BTBD9: variants seen among roughly 807,000 people sequenced by gnomAD.
BTBD9 encodes BTB/POZ domain-containing protein 9.
Under a neutral mutation model 64.3 loss-of-function variants are expected in BTBD9, and 49 were observed. The observed-to-expected ratio is 0.76, with a 90% confidence interval of 0.61 to 0.97. The LOEUF is 0.97. Ranked by LOEUF, BTBD9 falls within the 50% of genes least tolerant of loss-of-function variation. BTBD9 has a pLI of 0.00. For missense variants in BTBD9, 598 were observed against 762.1 expected, an observed-to-expected ratio of 0.78 and a Z score of 2.53; for synonymous variants, 260 against 274.7, an observed-to-expected ratio of 0.95 and a Z score of 0.53.
intron 6 of BTBD9, among the ~76,000 whole-genome samples, chr6:38,389,143 A>C (rs1454119317): frequency 6.6e-6 from 1 of 152,198 alleles, no homozygotes; most frequent in African/African-American, 2.4e-5. Context: ...TTTTAAACTT[A>C]TTTTCACCAC....
At chr6:38,523,620 C>T (rs528365050) in intron 6 of BTBD9, among the ~76,000 whole-genome samples, 2 of 152,314 alleles carry the variant, frequency 1.3e-5, no homozygotes, top group South Asian at 2.1e-4. Context: ...TATCCAAATG[C>T]TATCTGCCCT....
chr6:38,383,550 C>T (rs2127616657), intron 6 of BTBD9, among the ~76,000 whole-genome samples: 1 of 152,246 alleles, frequency 6.6e-6, no homozygotes, highest in Non-Finnish European at 1.5e-5. Context: ...TTAAAAGACA[C>T]TGTACAAAAT....
At chr6:38,265,944 C>A (rs143619902) in intron 8 of BTBD9, among the ~76,000 whole-genome samples, 1 of 152,324 alleles carries the variant, frequency 6.6e-6, no homozygotes, top group East Asian at 1.9e-4. Context: ...TACATGGCTG[C>A]AGCTGCAATA....
chr6:38,265,465 T>A lies in BTBD9; in HGVS notation c.1455-8949A>T, dbSNP rs186112359. ...TGTGGAAAGCTGGATGGGGCAAAAC[T>A]TTCCAAAACTTGGAGACAATACAAA... On this transcript the variant is annotated intron_variant, in intron 8 of 10. Transcript: ENST00000481247. Among the ~76,000 whole-genome samples, 131 of 151,914 alleles carry A rather than the reference T, an allele frequency of 8.6e-4. 1 individual carries two copies. The highest frequency in any genetic ancestry group is 7.5e-3 in the Admixed American group (115 of 15,248).
intron 9 of BTBD9, among the ~76,000 whole-genome samples, chr6:38,237,633 T>C (rs1230884544): frequency 6.6e-6 from 1 of 152,158 alleles, no homozygotes; most frequent in Non-Finnish European, 1.5e-5. Flanking sequence ...CAGAAACTAA[T>C]GAATGAATAG....
intron 6 of BTBD9, among the ~76,000 whole-genome samples, chr6:38,457,358 G>A (rs892229809): frequency 4.6e-5 from 7 of 152,208 alleles, no homozygotes; most frequent in Non-Finnish European, 8.8e-5. Flanking sequence ...CACAGTCTGG[G>A]CAAGAAATGG....
chr6:38,522,396 A>G (rs1029728442), intron 6 of BTBD9, among the ~76,000 whole-genome samples: 3 of 151,918 alleles, frequency 2.0e-5, no homozygotes, highest in Non-Finnish European at 4.4e-5. Flanking sequence ...ACTTAATAAG[A>G]TTACTAATGG....
chr6:38,631,279 T>C (rs922984225), intron 1 of BTBD9, among the ~76,000 whole-genome samples: 1 of 152,234 alleles, frequency 6.6e-6, no homozygotes. Flanking sequence ...AGAAAAATTA[T>C]TGCATGTGCT....
chr6:38,596,127 T>C, intron 2 of BTBD9: 3 of 879,408 alleles, frequency 3.4e-6, no homozygotes, highest in Non-Finnish European at 4.1e-6. Flanking sequence ...ACAATTAACA[T>C]TCCTTTGCAC....
intron 9 of BTBD9, among the ~76,000 whole-genome samples, chr6:38,215,037 A>G (rs911150995): frequency 6.6e-6 from 1 of 152,144 alleles, no homozygotes; most frequent in African/African-American, 2.4e-5. Flanking sequence ...ACATCAGCTG[A>G]TTTTTCTGTA....
At chr6:38,183,180 C>T (rs544576555) in intron 10 of BTBD9, among the ~76,000 whole-genome samples, 22 of 152,164 alleles carry the variant, frequency 1.4e-4, no homozygotes, top group Non-Finnish European at 3.1e-4. Context: ...TGGGGTTTCA[C>T]CGTGTTAGCC....
intron 6 of BTBD9, among the ~76,000 whole-genome samples, chr6:38,390,470 C>G (rs1380842299): frequency 2.0e-5 from 3 of 152,164 alleles, no homozygotes; most frequent in Non-Finnish European, 4.4e-5. Flanking sequence ...ATTTCAGGAG[C>G]AGTTATCCAA....
At chr6:38,300,087 T>C (rs1323628177) in intron 7 of BTBD9, among the ~76,000 whole-genome samples, 2 of 152,242 alleles carry the variant, frequency 1.3e-5, no homozygotes, top group East Asian at 3.8e-4. Flanking sequence ...GCTAGCCAGT[T>C]TTCCCAGCAC....
chr6:38,318,445 C>T (rs1438768552), intron 7 of BTBD9, among the ~76,000 whole-genome samples: 1 of 150,624 alleles, frequency 6.6e-6, no homozygotes, highest in Non-Finnish European at 1.5e-5. Flanking sequence ...GGTGTTTGAT[C>T]TAAGTTTTTG....
intron 9 of BTBD9, among the ~76,000 whole-genome samples, chr6:38,220,428 T>A (rs538758820): frequency 6.6e-6 from 1 of 152,372 alleles, no homozygotes; most frequent in African/African-American, 2.4e-5. Flanking sequence ...GAAACAGGTA[T>A]AACCCTATCA....
chr6:38,508,395 C>T (rs1000579379), intron 6 of BTBD9, among the ~76,000 whole-genome samples: 29 of 152,040 alleles, frequency 1.9e-4, no homozygotes, highest in African/African-American at 6.3e-4. Flanking sequence ...CAAATAGACA[C>T]ATTTATTTTT....
chr6:38,179,549 T>A (rs1402470992), intron 10 of BTBD9: 3 of 456,686 alleles, frequency 6.6e-6, no homozygotes. Context: ...TTTCACTGAG[T>A]GCAGACTCCA....
At chr6:38,222,748 A>G (rs1306987997) in intron 9 of BTBD9, among the ~76,000 whole-genome samples, 1 of 152,172 alleles carries the variant, frequency 6.6e-6, no homozygotes, top group Non-Finnish European at 1.5e-5. Context: ...ATTTAGCAAA[A>G]ATAAAAAGTA....
intron 4 of BTBD9, among the ~76,000 whole-genome samples, chr6:38,584,515 G>C (rs1776429706): frequency 6.6e-6 from 1 of 152,122 alleles, no homozygotes; most frequent in Non-Finnish European, 1.5e-5. Flanking sequence ...AAATCTGAGA[G>C]GAGTGCTGGG....
Sources: gnomAD v4.1 joint callset for allele counts (sites outside exome capture counted in the v4.1 genomes callset) on GRCh38, gnomAD v4.1.1 for gene constraint, MANE v1.5 for transcripts, NCBI Gene and HGNC (gene_info 2026-07-23, HGNC 2026-07-21) for gene names.